The following RAPGEF4 variants were observed in gnomAD, a reference collection of about 807,000 sequenced individuals.
The protein encoded by RAPGEF4 is RAP guanine-nucleotide-exchange factor (GEF) 4.
Under a neutral mutation model 147.9 loss-of-function variants are expected in RAPGEF4, and 66 were observed. That is an observed-to-expected ratio of 0.45 (90% CI 0.37 to 0.55). The LOEUF (loss-of-function observed/expected upper bound fraction) is 0.55. Ranked by LOEUF, RAPGEF4 falls within the 20% of genes least tolerant of loss-of-function variation. The pLI is 0.00. For missense variants in RAPGEF4, 1,071 were observed against 1,257.3 expected, an observed-to-expected ratio of 0.85 and a Z score of 2.24; for synonymous variants, 419 against 442.7, an observed-to-expected ratio of 0.95 and a Z score of 0.67.
intron 6 of RAPGEF4, chr2:172,928,449 A>G: frequency 3.6e-6 from 1 of 275,284 alleles, no homozygotes; most frequent in Non-Finnish European, 7.2e-6. Flanking sequence ...TTCTGTTGTC[A>G]GTTATGCCGT....
Position 172,988,616 on chromosome 2 carries a change from G to C in RAPGEF4, c.1228-77G>C, listed in dbSNP as rs558011708. The C allele has an allele frequency of 1.0e-5, 15 of 1,468,770 alleles. No individual in the cohort carries two copies. The East Asian group carries it at 3.4e-4, about 33-fold the overall frequency. The allele number at this position is 1,468,770 out of a possible 1,614,324, so 91.0% of individuals were successfully genotyped here. ...TATCTACAATGTTTTAGGGGCTTGGGGGTCTTGTGGCAGGAGGTGGTGGGT... is the reference window on the plus strand; with the variant it reads ...TATCTACAATGTTTTAGGGGCTTGGCGGTCTTGTGGCAGGAGGTGGTGGGT... On this transcript the variant is annotated intron_variant, in intron 13 of 30. Transcript: ENST00000397081.
chr2:172,782,600 A>G (rs142945481), intron 1 of RAPGEF4, among the ~76,000 whole-genome samples: 558 of 152,338 alleles, frequency 3.7e-3, no homozygotes, highest in African/African-American at 0.013. Flanking sequence ...AGCACTAAGT[A>G]CTACGAAATG....
At chr2:172,769,634 G>A (rs1005086071) in intron 1 of RAPGEF4, among the ~76,000 whole-genome samples, 2 of 152,122 alleles carry the variant, frequency 1.3e-5, no homozygotes, top group Non-Finnish European at 2.9e-5. Context: ...GTTCAAAGCA[G>A]CATATTTTGG....
intron 27 of RAPGEF4, among the ~76,000 whole-genome samples, chr2:173,034,996 A>G (rs1683760302): frequency 6.6e-6 from 1 of 151,638 alleles, no homozygotes; most frequent in South Asian, 2.1e-4. Flanking sequence ...TGAATAACTC[A>G]GGGGTTGGGG....
intron 10 of RAPGEF4, 51 bp downstream of exon 10, chr2:172,967,495 C>T: frequency 7.1e-6 from 11 of 1,549,056 alleles, no homozygotes; most frequent in Non-Finnish European, 9.6e-6. Flanking sequence ...CCGCCTAGTG[C>T]ATAGACATAC....
chr2:172,866,626 C>T (rs1374200487), intron 4 of RAPGEF4, among the ~76,000 whole-genome samples: 1 of 152,012 alleles, frequency 6.6e-6, no homozygotes, highest in African/African-American at 2.4e-5. Context: ...GGATACAGAT[C>T]CCTTCTGCTT....
chr2:172,905,243 T>G (rs1265093066), intron 4 of RAPGEF4, among the ~76,000 whole-genome samples: 1 of 152,158 alleles, frequency 6.6e-6, no homozygotes, highest in Non-Finnish European at 1.5e-5. Flanking sequence ...TCTAGCGTCA[T>G]TGTGCGAATC....
intron 11 of RAPGEF4, 76 bp downstream of exon 11, chr2:172,983,656 G>A (rs149898172): frequency 3.2e-4 from 489 of 1,547,768 alleles, no homozygotes; most frequent in East Asian, 1.9e-3. Flanking sequence ...AGAGTATTAC[G>A]GTGTTGTGGG....
intron 12 of RAPGEF4, 91 bp from the exon 13 acceptor site, chr2:172,988,105 C>A: frequency 7.0e-7 from 1 of 1,431,444 alleles, no homozygotes; most frequent in South Asian, 1.7e-5. Flanking sequence ...TGCATATTTT[C>A]TGGGGACTTA....
In RAPGEF4 at chr2:172,921,280, G is replaced by T. The variant is rs554578199; in HGVS notation, c.518-1001G>T. 4.6e-5 allele frequency among the ~76,000 whole-genome samples: 7 copies of T among 152,112 alleles called. No homozygotes were observed. In the South Asian group the frequency reaches 1.5e-3, roughly 32 times the overall value. On this transcript the variant is annotated intron_variant, in intron 5 of 30. Coordinates refer to ENST00000397081, the MANE Select transcript of RAPGEF4 (RefSeq NM_007023.4). The stretch of plus-strand genomic sequence containing the variant: ...CCCAGCTAGTTTTTTGTGGAGACAG[G>T]CTTCACCATGTCGGCCAGGCTGCTC...
At chr2:172,881,728 G>C (rs917959902) in intron 4 of RAPGEF4, among the ~76,000 whole-genome samples, 5 of 152,228 alleles carry the variant, frequency 3.3e-5, no homozygotes, top group African/African-American at 1.2e-4. Context: ...ACATTTTGTT[G>C]TTAGAAATGG....
rs890029648 is a variant in RAPGEF4, at chr2:172,957,030, C to T, written c.538-3730C>T. Among the ~76,000 whole-genome samples the T allele has an allele frequency of 2.0e-5, 3 of 152,184 alleles. No homozygotes were observed. In the East Asian group the frequency reaches 5.8e-4, roughly 29 times the overall value. On this transcript the variant is annotated intron_variant, in intron 6 of 30. Transcript: ENST00000397081. ...GGTCATTGTACCTGCAGTGGAGACA[C>T]TGGAGTGAAATAGACCTGGAGTCTA...
chr2:173,010,478 C>T (rs75511337), intron 17 of RAPGEF4, among the ~76,000 whole-genome samples: 2,347 of 152,256 alleles, frequency 0.015, 55 homozygotes, highest in African/African-American at 0.053. Flanking sequence ...TAGCCAGAGA[C>T]GGCTTCTTCA....
At chr2:172,776,022 A>G (rs923939634) in intron 1 of RAPGEF4, among the ~76,000 whole-genome samples, 4 of 152,224 alleles carry the variant, frequency 2.6e-5, no homozygotes, top group African/African-American at 9.6e-5. Flanking sequence ...TGGAAGGTTC[A>G]TATACGTTTT....
intron 4 of RAPGEF4, among the ~76,000 whole-genome samples, chr2:172,892,317 T>C (rs1225356447): frequency 6.6e-6 from 1 of 152,246 alleles, no homozygotes; most frequent in African/African-American, 2.4e-5. Flanking sequence ...TGCATAAATA[T>C]GATGCAAAAC....
chr2:173,005,738 G>A (rs912023724), intron 17 of RAPGEF4, among the ~76,000 whole-genome samples: 3 of 152,046 alleles, frequency 2.0e-5, no homozygotes, highest in African/African-American at 7.2e-5. Context: ...GGCCAGGATG[G>A]CCTCGACCTC....
At chr2:172,918,460 G>A (rs888031914) in intron 5 of RAPGEF4, among the ~76,000 whole-genome samples, 6 of 150,958 alleles carry the variant, frequency 4.0e-5, no homozygotes, top group Non-Finnish European at 5.9e-5. Context: ...AACTGGAGTA[G>A]TCATTTCACT....
At chr2:172,866,128 C>T (rs896703762) in intron 4 of RAPGEF4, among the ~76,000 whole-genome samples, 4 of 152,202 alleles carry the variant, frequency 2.6e-5, no homozygotes, top group Middle Eastern at 3.4e-3. Context: ...GAGAACAAGA[C>T]AAAACAAAAC....
At chr2:172,795,426 C>T (rs947213411) in intron 2 of RAPGEF4, among the ~76,000 whole-genome samples, 33 of 152,294 alleles carry the variant, frequency 2.2e-4, no homozygotes, top group Non-Finnish European at 1.6e-4. Context: ...TGTAATGTTT[C>T]ACACATTTAG....
Sources: gnomAD v4.1 joint callset for allele counts (sites outside exome capture counted in the v4.1 genomes callset) on GRCh38, gnomAD v4.1.1 for gene constraint, MANE v1.5 for transcripts, NCBI Gene and HGNC (gene_info 2026-07-23, HGNC 2026-07-21) for gene names.